Variants in GPC5 observed in about 807,000 individuals in gnomAD.
The protein encoded by GPC5 is glypican-5.
Under a neutral mutation model 53.9 loss-of-function variants are expected in GPC5, and 47 were observed. The observed-to-expected ratio is 0.87, with a 90% CI of 0.69 to 1.11. The LOEUF is 1.11. Ranked by LOEUF, GPC5 falls within the 50% of genes most tolerant of loss-of-function variation. GPC5 has a pLI of 0.00. For missense variants in GPC5, 748 were observed against 713.1 expected (o/e 1.05, Z -0.56); for synonymous variants, 286 against 263.3 (o/e 1.09, Z -0.84).
At chr13:91,777,476 T>C (rs1408266198) in intron 5 of GPC5, among the ~76,000 whole-genome samples, 2 of 152,218 alleles carry the variant, frequency 1.3e-5, no homozygotes, top group African/African-American at 4.8e-5. Flanking sequence ...AAATCCATGC[T>C]ATGTGGAAAC....
At chr13:91,722,957 C>A (rs957608389) in intron 3 of GPC5, among the ~76,000 whole-genome samples, 1 of 152,026 alleles carries the variant, frequency 6.6e-6, no homozygotes, top group Non-Finnish European at 1.5e-5. Flanking sequence ...TTTATGGAGT[C>A]TTAATAATTT....
intron 6 of GPC5, among the ~76,000 whole-genome samples, chr13:92,075,270 G>A (rs548728111): frequency 2.2e-4 from 33 of 152,138 alleles, no homozygotes; most frequent in Non-Finnish European, 4.4e-4. Flanking sequence ...TTATACTGGA[G>A]ACACTGTCTG....
chr13:92,291,136 G>C (rs186341059), intron 7 of GPC5, among the ~76,000 whole-genome samples: 13 of 152,204 alleles, frequency 8.5e-5, no homozygotes, highest in Middle Eastern at 3.4e-3. Flanking sequence ...CCACTGCTCC[G>C]TGGGCTCCTG....
At chr13:92,813,068 G>A (rs953472165) in intron 7 of GPC5, among the ~76,000 whole-genome samples, 8 of 151,690 alleles carry the variant, frequency 5.3e-5, no homozygotes, top group Non-Finnish European at 7.4e-5. Context: ...CCGGCCTTTC[G>A]AAGCTTATTT....
At chr13:91,706,741 T>A (rs2036114507) in intron 3 of GPC5, among the ~76,000 whole-genome samples, 1 of 151,974 alleles carries the variant, frequency 6.6e-6, no homozygotes, top group Non-Finnish European at 1.5e-5. Flanking sequence ...ATGCTGCAAA[T>A]GTGGGAACTG....
chr13:91,615,253 C>T (rs1210400030), intron 2 of GPC5, among the ~76,000 whole-genome samples: 1 of 152,132 alleles, frequency 6.6e-6, no homozygotes, highest in Non-Finnish European at 1.5e-5. Flanking sequence ...TTTACCATCC[C>T]ATATCCCTAG....
At chr13:92,308,501 C>A (rs996136280) in intron 7 of GPC5, among the ~76,000 whole-genome samples, 4 of 152,142 alleles carry the variant, frequency 2.6e-5, no homozygotes, top group African/African-American at 9.7e-5. Flanking sequence ...TGACCTTGTT[C>A]TTAAGAATGC....
At chr13:92,548,888 T>C (rs1357898947) in intron 7 of GPC5, among the ~76,000 whole-genome samples, 1 of 152,026 alleles carries the variant, frequency 6.6e-6, no homozygotes, top group East Asian at 1.9e-4. Context: ...CATAAATACA[T>C]ATATCTAACA....
intron 2 of GPC5, among the ~76,000 whole-genome samples, chr13:91,557,855 A>G (rs2138883170): frequency 6.6e-6 from 1 of 152,254 alleles, no homozygotes; most frequent in African/African-American, 2.4e-5. Flanking sequence ...CCAGAGCTTT[A>G]GCCGTTTAAA....
chr13:92,727,238 G>T (rs1191418873), intron 7 of GPC5, among the ~76,000 whole-genome samples: 1 of 151,438 alleles, frequency 6.6e-6, no homozygotes, highest in Non-Finnish European at 1.5e-5. Context: ...CTTTTTCCAT[G>T]TATCTGTTTT....
chr13:92,108,959 C>T (rs937327207), intron 6 of GPC5, among the ~76,000 whole-genome samples: 10 of 151,938 alleles, frequency 6.6e-5, no homozygotes, highest in Admixed American at 2.0e-4. Flanking sequence ...ATCTTTTCCA[C>T]ATGGTTTCTC....
intron 7 of GPC5, among the ~76,000 whole-genome samples, chr13:92,323,114 T>C (rs916057969): frequency 6.6e-6 from 1 of 151,416 alleles, no homozygotes; most frequent in Non-Finnish European, 1.5e-5. Flanking sequence ...AGGGAAGTGG[T>C]ATAATGAAAA....
chr13:91,847,379 A>C (rs2038863475), intron 5 of GPC5, among the ~76,000 whole-genome samples: 1 of 151,892 alleles, frequency 6.6e-6, no homozygotes, highest in Non-Finnish European at 1.5e-5. Flanking sequence ...GTGTGTATGT[A>C]CACATACACA....
chr13:91,680,651 G>C (rs944795946), intron 2 of GPC5, among the ~76,000 whole-genome samples: 32 of 152,050 alleles, frequency 2.1e-4, no homozygotes, highest in African/African-American at 7.5e-4. Context: ...GTCATGTTTT[G>C]GTGTAATATC....
intron 6 of GPC5, among the ~76,000 whole-genome samples, chr13:92,113,080 G>T (rs1417109818): frequency 1.3e-5 from 2 of 151,780 alleles, no homozygotes; most frequent in Non-Finnish European, 2.9e-5. Context: ...ATGGCAACAT[G>T]GTACCTTTTT....
At chr13:92,593,564 T>C (rs1337247505) in intron 7 of GPC5, among the ~76,000 whole-genome samples, 3 of 151,084 alleles carry the variant, frequency 2.0e-5, no homozygotes, top group South Asian at 4.2e-4. Context: ...TCAGCAGAGA[T>C]AGCATTCAGC....
intron 7 of GPC5, among the ~76,000 whole-genome samples, chr13:92,406,740 CT>C (rs1400456961): frequency 1.3e-5 from 2 of 152,150 alleles, no homozygotes; most frequent in Non-Finnish European, 2.9e-5. Context: ...CTCAATAATT[CT>C]CACTACATAA....
At chr13:92,054,157 TGTGTG>T (rs2041055510) in intron 6 of GPC5, among the ~76,000 whole-genome samples, 8 of 138,676 alleles carry the variant, frequency 5.8e-5, no homozygotes, top group Non-Finnish European at 1.5e-5. Flanking sequence ...GGGGTGTGTG[TGTGTG>T]TGTGTGTGTG....
intron 5 of GPC5, among the ~76,000 whole-genome samples, chr13:91,823,952 T>C (rs1392846046): frequency 2.0e-5 from 3 of 152,090 alleles, no homozygotes; most frequent in Non-Finnish European, 2.9e-5. Flanking sequence ...AATATCAATA[T>C]GGTTGGTGTT....
Sources: allele counts gnomAD v4.1 joint callset (sites outside exome capture counted in the v4.1 genomes callset), GRCh38; gene constraint gnomAD v4.1.1; transcripts MANE v1.5; gene names NCBI Gene and HGNC (gene_info 2026-07-23, HGNC 2026-07-21).